Variants in MICU2 observed in about 807,000 individuals in gnomAD.
The protein encoded by MICU2 is calcium uptake protein 2, mitochondrial.
In MICU2, 64 loss-of-function variants were observed where a neutral mutation model predicts 60.4. That is an observed-to-expected ratio of 1.06 (90% confidence interval 0.87 to 1.31). MICU2 has a LOEUF of 1.31. Ranked by LOEUF, MICU2 falls within the 50% of genes most tolerant of loss-of-function variation. MICU2 has a pLI of 0.00. For synonymous variants in MICU2, 201 were observed against 175.0 expected (o/e 1.15, Z -1.17); for missense variants, 569 against 531.0 (o/e 1.07, Z -0.70).
intron 4 of MICU2, among the ~76,000 whole-genome samples, chr13:21,538,876 A>G (rs1887204136): frequency 6.6e-6 from 1 of 152,174 alleles, no homozygotes; most frequent in Non-Finnish European, 1.5e-5. Context: ...GATACTTCTC[A>G]GTCCTTAGCT....
At chr13:21,570,481 T>C (rs1888082857) in intron 1 of MICU2, among the ~76,000 whole-genome samples, 1 of 152,244 alleles carries the variant, frequency 6.6e-6, no homozygotes, top group Non-Finnish European at 1.5e-5. Flanking sequence ...CCAGACTTGA[T>C]AGATTTAATG....
At chr13:21,582,650 T>C (rs1888371865) in intron 1 of MICU2, among the ~76,000 whole-genome samples, 1 of 152,176 alleles carries the variant, frequency 6.6e-6, no homozygotes, top group Admixed American at 6.5e-5. Flanking sequence ...CCCTGACTCA[T>C]TCTAATTACC....
At chr13:21,509,467 G>C (rs1335494664) in intron 8 of MICU2, among the ~76,000 whole-genome samples, 1 of 152,168 alleles carries the variant, frequency 6.6e-6, no homozygotes, top group Non-Finnish European at 1.5e-5. Flanking sequence ...TGCAGAAAAT[G>C]TTTGCCAACC....
At chr13:21,530,502 G>A (rs959982029) in intron 4 of MICU2, among the ~76,000 whole-genome samples, 1 of 151,364 alleles carries the variant, frequency 6.6e-6, no homozygotes, top group Admixed American at 6.6e-5. Context: ...TATGATTAAT[G>A]CTGTTGTTCA....
chr13:21,582,693 C>T (rs375794158), intron 1 of MICU2, among the ~76,000 whole-genome samples: 37 of 152,288 alleles, frequency 2.4e-4, no homozygotes, highest in African/African-American at 8.9e-4. Flanking sequence ...ATTCCAATTT[C>T]CTGCTCTGCC....
At chr13:21,502,196 C>A (rs1248049400) in intron 9 of MICU2, among the ~76,000 whole-genome samples, 1 of 151,790 alleles carries the variant, frequency 6.6e-6, no homozygotes, top group East Asian at 1.9e-4. Context: ...ATTTATCTTG[C>A]AGTTATAACT....
chr13:21,527,572 C>T (rs1886888317), intron 4 of MICU2, among the ~76,000 whole-genome samples: 1 of 151,980 alleles, frequency 6.6e-6, no homozygotes, highest in South Asian at 2.1e-4. Context: ...AGGCATTTGC[C>T]CTCTGAAAAT....
chr13:21,554,794 G>T (rs1361182571), intron 2 of MICU2, among the ~76,000 whole-genome samples: 1 of 152,008 alleles, frequency 6.6e-6, no homozygotes, highest in Non-Finnish European at 1.5e-5. Context: ...TAATAAAGAA[G>T]AGAGAAGAAT....
intron 1 of MICU2, 88 bp from the exon 2 acceptor site, chr13:21,567,032 C>G (rs1888001574): frequency 8.8e-7 from 1 of 1,140,450 alleles, no homozygotes; most frequent in Non-Finnish European, 1.2e-6. Flanking sequence ...AACTTTCACG[C>G]TTGGATCTGA....
intron 1 of MICU2, among the ~76,000 whole-genome samples, chr13:21,602,240 C>T (rs1157187454): frequency 2.0e-5 from 3 of 148,960 alleles, no homozygotes; most frequent in African/African-American, 4.9e-5. Context: ...CAGGATGAAT[C>T]GGCCGGGCGC....
chr13:21,560,275 C>T (rs532955526), intron 2 of MICU2, among the ~76,000 whole-genome samples: 1 of 151,914 alleles, frequency 6.6e-6, no homozygotes, highest in African/African-American at 2.4e-5. Context: ...TTAAAATTTT[C>T]TTTGAAAAAT....
intron 2 of MICU2, among the ~76,000 whole-genome samples, chr13:21,542,455 T>G (rs904988518): frequency 2.6e-5 from 4 of 152,218 alleles, no homozygotes; most frequent in African/African-American, 9.6e-5. Flanking sequence ...GGGACACTCC[T>G]GTCTCTCTTT....
At chr13:21,561,790 C>G (rs1887850401) in intron 2 of MICU2, among the ~76,000 whole-genome samples, 1 of 145,842 alleles carries the variant, frequency 6.9e-6, no homozygotes, top group African/African-American at 2.5e-5. Context: ...ATACATGTGC[C>G]ATGCTGGTGT....
chr13:21,511,418 A>C (rs1886425252), intron 7 of MICU2, among the ~76,000 whole-genome samples: 2 of 152,232 alleles, frequency 1.3e-5, no homozygotes. Context: ...ACAAAAACCC[A>C]GTCTAGAAGA....
At chr13:21,517,972 A>C (rs570689373) in intron 6 of MICU2, among the ~76,000 whole-genome samples, 10 of 152,118 alleles carry the variant, frequency 6.6e-5, no homozygotes, top group Non-Finnish European at 1.2e-4. Flanking sequence ...TTAGTGGTTC[A>C]TTTCTATGAT....
chr13:21,552,861 C>T lies in MICU2; in HGVS notation c.359-13173G>A, dbSNP rs562614618. Reference sequence around the variant, plus strand: ...TGTAGTATAGTTTGAAGTCAGGTAGCGTGATGCCTCCAGCTTTGTTCTTTT... The same window carrying T: ...TGTAGTATAGTTTGAAGTCAGGTAGTGTGATGCCTCCAGCTTTGTTCTTTT... On this transcript the variant is annotated intron_variant, in intron 2 of 11. Coordinates refer to ENST00000382374, the MANE Select transcript of MICU2 (RefSeq NM_152726.3). 2.6e-3 allele frequency among the ~76,000 whole-genome samples: 397 copies of T among 152,240 alleles called. 7 individuals carry two copies. The highest frequency in any genetic ancestry group is 0.022 in the Admixed American group (331 of 15,298).
intron 1 of MICU2, among the ~76,000 whole-genome samples, chr13:21,602,385 G>A (rs1015746313): frequency 6.6e-6 from 1 of 152,142 alleles, no homozygotes; most frequent in South Asian, 2.1e-4. Context: ...AGCCGGGCGC[G>A]ATGGCGGGCG....
intron 2 of MICU2, among the ~76,000 whole-genome samples, chr13:21,545,745 A>G (rs1247662693): frequency 6.6e-6 from 1 of 152,066 alleles, no homozygotes; most frequent in Admixed American, 6.6e-5. Context: ...GAAGGGTGGG[A>G]GGAAGAGAGG....
At chr13:21,583,119 C>T (rs1318709140) in intron 1 of MICU2, among the ~76,000 whole-genome samples, 1 of 152,092 alleles carries the variant, frequency 6.6e-6, no homozygotes, top group South Asian at 2.1e-4. Flanking sequence ...AAAGGCTGGG[C>T]TAGCTCATGC....
Sources: gnomAD v4.1 joint callset for allele counts (sites outside exome capture counted in the v4.1 genomes callset) on GRCh38, gnomAD v4.1.1 for gene constraint, MANE v1.5 for transcripts, NCBI Gene and HGNC (gene_info 2026-07-23, HGNC 2026-07-21) for gene names.